Variants in TERT observed in about 807,000 individuals in gnomAD.
TERT encodes telomerase reverse transcriptase.
Under a neutral mutation model 104.0 loss-of-function variants are expected in TERT, and 42 were observed. The ratio of observed to expected loss-of-function variants is 0.40; its 90% confidence interval spans 0.32 to 0.52. The LOEUF (loss-of-function observed/expected upper bound fraction) is 0.52. Among genes scored for constraint, TERT ranks in the 20% least tolerant of loss-of-function variants. The pLI, the probability that TERT is intolerant of heterozygous loss-of-function variation, is 0.43. For synonymous variants in TERT, 781 were observed against 725.6 expected (o/e 1.08, Z -1.23); for missense variants, 1,101 against 1,610.3 (o/e 0.68, Z 5.41).
Position 1,288,673 on chromosome 5 carries a change from T to A in TERT, c.1573+4640A>T, listed in dbSNP as rs1750641416. On this transcript the variant is annotated intron_variant, in intron 2 of 15. Transcript: ENST00000310581. This position sits in a 1 kb window ranked among gnomAD's most constrained non-coding sequence, Gnocchi z 5.3. The stretch of plus-strand genomic sequence containing the variant: ...GGGGGCTGGGGTGACTTGCTTTCCT[T>A]CAGGGCACAGAGAACCCTTTCTGGG... Among the ~76,000 whole-genome samples, 2 of 152,096 alleles carry A rather than the reference T, an allele frequency of 1.3e-5. No individual in the cohort carries two copies. The highest frequency in any genetic ancestry group is 4.1e-4 in the South Asian group (2 of 4,822).
intron 2 of TERT, among the ~76,000 whole-genome samples, chr5:1,291,177 C>G (rs1195888203): frequency 7.9e-6 from 1 of 126,668 alleles, no homozygotes; most frequent in Admixed American, 7.8e-5. Flanking sequence ...GAGGGACACC[C>G]AGGGACGGTG....
At chr5:1,289,015 T>A (rs1750667278) in intron 2 of TERT, among the ~76,000 whole-genome samples, 1 of 152,172 alleles carries the variant, frequency 6.6e-6, no homozygotes, top group South Asian at 2.1e-4. Flanking sequence ...CCGGCGCAGC[T>A]GTGGCTATAG....
rs1749829091 is a variant in TERT at position 1,279,200 on chromosome 5, A to G, written c.2130+91T>C. The G allele has an allele frequency of 4.2e-6, 6 of 1,437,070 alleles. No homozygotes were observed. The South Asian group carries it at 5.2e-5, about 13-fold the overall frequency. 89.0% of individuals were successfully genotyped at this position (1,437,070 alleles called of 1,614,324 possible). A position where few individuals can be genotyped will look rare whatever the true frequency, so the allele number is the denominator to read the frequency against. ...CACCTGCACTCCCTGCGGCCCACCCAGGAGTACCTCCTCCACCCAACATGA... is the reference window on the plus strand; with the variant it reads ...CACCTGCACTCCCTGCGGCCCACCCGGGAGTACCTCCTCCACCCAACATGA... On this transcript the variant is annotated intron_variant, in intron 5 of 15. Coordinates refer to ENST00000310581, the MANE Select transcript of TERT (RefSeq NM_198253.3).
intron 7 of TERT, 75 bp from the exon 8 acceptor site, chr5:1,271,279 C>T: frequency 9.6e-7 from 1 of 1,042,834 alleles, no homozygotes; most frequent in Non-Finnish European, 1.5e-6. Context: ...TGGCCAAGAC[C>T]CTCCGTCCCT....
intron 4 of TERT, 23 bp from the exon 5 acceptor site, chr5:1,279,493 C>G (rs1414063132): frequency 3.2e-6 from 5 of 1,548,136 alleles, no homozygotes; most frequent in Non-Finnish European, 4.4e-6. Flanking sequence ...GCATGGGAGA[C>G]AGTCAGGAAA....
In TERT at chr5:1,278,740, G is replaced by A. The variant is rs200819224; in HGVS notation, c.2187C>T (p.Ile729=). Residue 729 remains isoleucine, a synonymous_variant, in exon 6 of 16, where the codon ATC becomes ATT. Transcript: ENST00000310581. ...TGTTCTGGGGTTTGATGATGCTGGC[G>A]ATGACCTCCGTGAGCCTGTCCTGGG... ...TIPQDRLTEV[I]ASIIKPQNTY... is the part of the protein sequence containing the mutation. 8.1e-6 allele frequency: 13 copies of A among 1,614,194 alleles called. No homozygotes were observed. In the Admixed American group the frequency reaches 1.2e-4, roughly 14 times the overall value.
At chr5:1,258,987 G>A (rs1747963964) in intron 12 of TERT, among the ~76,000 whole-genome samples, 1 of 150,692 alleles carries the variant, frequency 6.6e-6, no homozygotes, top group Admixed American at 6.6e-5. Flanking sequence ...GATGCCCACA[G>A]GAGAGAGGGA....
chr5:1,277,534 G>A (rs981903097), intron 6 of TERT, among the ~76,000 whole-genome samples: 6 of 152,100 alleles, frequency 3.9e-5, no homozygotes, highest in African/African-American at 1.4e-4. Flanking sequence ...GACCGGGAGA[G>A]GGAGACCATG....
chr5:1,271,384 C>T (rs1187342361), intron 7 of TERT, among the ~76,000 whole-genome samples, 180 bp from the exon 8 acceptor site: 2 of 152,236 alleles, frequency 1.3e-5, no homozygotes, highest in Non-Finnish European at 2.9e-5. Context: ...CACACATGGG[C>T]TTAGGCAGAG....
chr5:1,269,320 G>A lies in TERT; in HGVS notation c.2469-687C>T, dbSNP rs1439468394. Among the ~76,000 whole-genome samples the A allele has an allele frequency of 1.3e-5, 2 of 152,128 alleles. No individual in the cohort carries two copies. Among genetic ancestry groups the A allele is most frequent in the Admixed American group, 6.5e-5 (1 of 15,272 alleles). On this transcript the variant is annotated intron_variant, in intron 8 of 15. Coordinates refer to ENST00000310581, the MANE Select transcript of TERT (RefSeq NM_198253.3). The surrounding 1 kb of genome is among the most constrained non-coding windows in gnomAD (Gnocchi z 9.0). ...GCTATAGGTGGTCACCTTAAAAAGA[G>A]GCTTTCCGGCTGGGCGTGATGGCTC...
Position 1,274,463 on chromosome 5 carries a change from C to T in TERT, c.2287-2183G>A, listed in dbSNP as rs531594963. Among the ~76,000 whole-genome samples, 7 of 152,352 alleles carry T rather than the reference C, an allele frequency of 4.6e-5. No homozygotes were observed. In the East Asian group the frequency reaches 1.2e-3, roughly 25 times the overall value. ...CCATTGTGGTACCAGGGACTGGTTT[C>T]GTGGAAGACGATTTTTCCACAGGAC... is the stretch of plus-strand genomic sequence containing the variant. On this transcript the variant is annotated intron_variant, in intron 6 of 15. Coordinates refer to ENST00000310581, the MANE Select transcript of TERT (RefSeq NM_198253.3). The surrounding 1 kb of genome is among the most constrained non-coding windows in gnomAD (Gnocchi z 5.3).
rs1035786347 is a variant in TERT at position 1,255,189 on chromosome 5, G to C, written c.3157+98C>G. 1.3e-6 allele frequency: 2 copies of C among 1,494,324 alleles called. No individual in the cohort carries two copies. The highest frequency in any genetic ancestry group is 2.8e-5 in the African/African-American group (2 of 72,222). The allele number at this position is 1,494,324 out of a possible 1,614,324, so 92.6% of individuals were successfully genotyped here. A position where few individuals can be genotyped will look rare whatever the true frequency, so the allele number is the denominator to read the frequency against. ...TTAAACCACTTCCTGATGCGAAAAG[G>C]GGTAAGAACTTCCTAAGCCCAGATT... On this transcript the variant is annotated intron_variant, in intron 14 of 15. Coordinates refer to ENST00000310581, the MANE Select transcript of TERT (RefSeq NM_198253.3). This position sits in a 1 kb window ranked among gnomAD's most constrained non-coding sequence, Gnocchi z 6.9.
chr5:1,264,681 C>A, intron 10 of TERT, 89 bp from the exon 11 acceptor site: 1 of 1,492,434 alleles, frequency 6.7e-7, no homozygotes, highest in Non-Finnish European at 9.3e-7. Flanking sequence ...TTGGAAAACC[C>A]CAGAGAAGTG....
Position 1,256,655 on chromosome 5 carries a change from C to G in TERT, c.3033-1244G>C, listed in dbSNP as rs1055041989. Among the ~76,000 whole-genome samples the G allele has an allele frequency of 1.3e-5, 2 of 152,212 alleles. No homozygotes were observed. Among genetic ancestry groups the G allele is most frequent in the Non-Finnish European group, 2.9e-5 (2 of 68,038 alleles). On this transcript the variant is annotated intron_variant, in intron 13 of 15. Transcript: ENST00000310581. The surrounding 1 kb of genome is among the most constrained non-coding windows in gnomAD (Gnocchi z 7.0). ...GTCAAGCCAGCACCCCGGTTTCAGC[C>G]TCTCAGTAACTCTGCTGAGGTGGGA...
Position 1,274,996 on chromosome 5 carries a change from C to CT in TERT, c.2287-2717dup, listed in dbSNP as rs1749447404. ...AGAGAGTCATGAAATGGAAAGACCCCTAGCGAGACCTGGAGAAGGAAAACG... is the reference window on the plus strand; with the variant it reads ...AGAGAGTCATGAAATGGAAAGACCCCTTAGCGAGACCTGGAGAAGGAAAACG... On this transcript the variant is annotated intron_variant, in intron 6 of 15. Coordinates refer to ENST00000310581, the MANE Select transcript of TERT (RefSeq NM_198253.3). The surrounding 1 kb of genome is among the most constrained non-coding windows in gnomAD (Gnocchi z 5.3). 6.6e-6 allele frequency among the ~76,000 whole-genome samples: 1 copy of CT among 152,162 alleles called. No homozygotes were observed. Among genetic ancestry groups the CT allele is most frequent in the African/African-American group, 2.4e-5 (1 of 41,428 alleles).
intron 2 of TERT, chr5:1,283,093 A>G (rs1579581073): frequency 3.0e-6 from 1 of 331,360 alleles, no homozygotes; most frequent in Non-Finnish European, 5.8e-6. Context: ...AGCTCACCGC[A>G]GGGCCTGGCG....
In TERT at chr5:1,273,868, G is replaced by A. The variant is rs555961650; in HGVS notation, c.2287-1588C>T. On this transcript the variant is annotated intron_variant, in intron 6 of 15. Transcript: ENST00000310581. ...CAGTCACGTGGCACAAGTGGCACTC[G>A]AGCTCCCGGGCCTCTCCAGCCCAGT... is the stretch of plus-strand genomic sequence containing the variant. 6.6e-5 allele frequency among the ~76,000 whole-genome samples: 10 copies of A among 152,278 alleles called. No homozygotes were observed. In the East Asian group the frequency reaches 9.6e-4, roughly 15 times the overall value.
chr5:1,280,895 G>A (rs371914676), intron 3 of TERT, among the ~76,000 whole-genome samples: 4 of 152,384 alleles, frequency 2.6e-5, no homozygotes, highest in African/African-American at 7.2e-5. Context: ...GGGCACGGGG[G>A]CTGGAGCGGC....
chr5:1,283,285 G>C (rs1750184309), intron 2 of TERT, among the ~76,000 whole-genome samples: 1 of 126,954 alleles, frequency 7.9e-6, no homozygotes, highest in Non-Finnish European at 1.6e-5. Context: ...AGGGCCTGGC[G>C]ACCTCACGCC....
Sources: gnomAD v4.1 joint callset for allele counts (sites outside exome capture counted in the v4.1 genomes callset) on GRCh38, gnomAD v4.1.1 for gene constraint, Gnocchi (gnomAD v3.1) non-coding constraint, MANE v1.5 for transcripts, NCBI Gene and HGNC (gene_info 2026-07-23, HGNC 2026-07-21) for gene names.